The following TSHZ3 variants were observed in gnomAD, a reference collection of about 807,000 sequenced individuals.
TSHZ3 encodes the protein teashirt homolog 3.
Under a neutral mutation model 64.5 loss-of-function variants are expected in TSHZ3, and 10 were observed. The ratio of observed to expected loss-of-function variants is 0.16; its 90% confidence interval spans 0.10 to 0.26. The LOEUF (loss-of-function observed/expected upper bound fraction) is 0.26, where lower values mean the gene tolerates loss of function less well. Among genes scored for constraint, TSHZ3 ranks in the 10% least tolerant of loss-of-function variants. The probability of loss-of-function intolerance (pLI) is 1.00; values close to 1 mark genes in which losing one functional copy is unlikely to be tolerated. For synonymous variants in TSHZ3, 608 were observed against 593.1 expected, an observed-to-expected ratio of 1.03 and a Z score of -0.36; for missense variants, 1,242 against 1,421.7, an observed-to-expected ratio of 0.87 and a Z score of 2.03.
chr19:31,263,815 A>C (rs142924258), intron 1 of TSHZ3, among the ~76,000 whole-genome samples: 2 of 152,234 alleles, frequency 1.3e-5, no homozygotes, highest in Non-Finnish European at 2.9e-5. Flanking sequence ...GGTAATAACC[A>C]CATAAATAAG....
intron 6 of TSHZ3, among the ~76,000 whole-genome samples, chr19:31,156,019 C>G (rs1974302015): frequency 6.6e-6 from 1 of 152,198 alleles, no homozygotes; most frequent in African/African-American, 2.4e-5. Context: ...ACCAATCTGG[C>G]TCAACTATTG....
At chr19:31,310,073 T>C (rs138023211) in intron 1 of TSHZ3, among the ~76,000 whole-genome samples, 10 of 152,306 alleles carry the variant, frequency 6.6e-5, no homozygotes, top group Non-Finnish European at 1.3e-4. Context: ...CATGCAAGTA[T>C]GTTTTCCTTC....
intron 1 of TSHZ3, among the ~76,000 whole-genome samples, chr19:31,260,916 AG>A (rs1975976454): frequency 6.6e-6 from 1 of 152,176 alleles, no homozygotes; most frequent in Non-Finnish European, 1.5e-5. Flanking sequence ...ATTTAGCCCA[AG>A]TTTTCTCAGC....
At chr19:31,230,286 A>T (rs148150817) in intron 3 of TSHZ3, among the ~76,000 whole-genome samples, 58 of 152,340 alleles carry the variant, frequency 3.8e-4, no homozygotes, top group South Asian at 6.2e-4. Flanking sequence ...TTGCAAACCC[A>T]TCTGTACATT....
At position 31,276,936 on chromosome 19, in the gene TSHZ3, C is replaced by T. The variant is rs753099308; in HGVS notation, c.2857G>A (p.Val953Met). 39 of 1,614,068 alleles carry T rather than the reference C, an allele frequency of 2.4e-5. No individual in the cohort carries two copies. The highest frequency in any genetic ancestry group is 3.1e-5 in the Non-Finnish European group (36 of 1,180,036). Reference sequence around the variant, plus strand: ...CCTGTCCTTCGAAGCTGGTATTTCACGTTGGCCAGCCAGTGGCTGATGGTG... The same window carrying T: ...CCTGTCCTTCGAAGCTGGTATTTCATGTTGGCCAGCCAGTGGCTGATGGTG... ...MTTISHWLAN[V>M]KYQLRRTGGT... The change falls in exon 2 of 2, where the codon GTG (valine) becomes ATG (methionine). Residue 953 changes from valine (V) to methionine (M), a missense_variant. Physicochemically the swap from Val to Met is conservative, Grantham distance 21. This residue lies in a region of TSHZ3 where 11 missense variants were observed against 31.9 expected (regional missense o/e 0.34). Coordinates refer to ENST00000240587, the MANE Select transcript of TSHZ3 (RefSeq NM_020856.4).
At chr19:31,161,983 T>C (rs867944079) in intron 5 of TSHZ3, among the ~76,000 whole-genome samples, 1 of 152,332 alleles carries the variant, frequency 6.6e-6, no homozygotes, top group South Asian at 2.1e-4. Flanking sequence ...TGGGTCGTTA[T>C]CTCCTGATAT....
chr19:31,263,641 G>T (rs1332944818), intron 1 of TSHZ3, among the ~76,000 whole-genome samples: 2 of 152,122 alleles, frequency 1.3e-5, no homozygotes, highest in African/African-American at 2.4e-5. Context: ...AGGGGGGACA[G>T]TGTGCCCTGC....
chr19:31,220,755 C>T lies in TSHZ3; in HGVS notation n.686+7250G>A, dbSNP rs537249434. 9.9e-5 allele frequency among the ~76,000 whole-genome samples: 15 copies of T among 152,228 alleles called. No individual in the cohort carries two copies. In the South Asian group the frequency reaches 3.1e-3, roughly 32 times the overall value. ...TCCTTTTCCTTTCCTCTGGCTAACA[C>T]CGAGTCACATGACCACACCTCACTG... is the stretch of plus-strand genomic sequence containing the variant. On this transcript the variant is annotated intron_variant and non_coding_transcript_variant, in intron 4 of 6. Coordinates refer to the TSHZ3 transcript ENST00000651361.
At position 31,170,829 on chromosome 19, in the gene TSHZ3, G is replaced by A. The variant is rs182680996; in HGVS notation, n.810-14412C>T. On this transcript the variant is annotated intron_variant and non_coding_transcript_variant, in intron 5 of 6. Transcript: ENST00000651361. The stretch of plus-strand genomic sequence containing the variant: ...CCATTATCACCCCATTAATGGAGAC[G>A]AGGTAAGGCAATCTGAAAACATTTG... Among the ~76,000 whole-genome samples, 64 of 152,314 alleles carry A rather than the reference G, an allele frequency of 4.2e-4. 3 individuals are homozygous for A. In the East Asian group the frequency reaches 8.1e-3, roughly 19 times the overall value.
intron 5 of TSHZ3, among the ~76,000 whole-genome samples, chr19:31,197,514 GA>G (rs1975009981): frequency 6.6e-6 from 1 of 151,400 alleles, no homozygotes; most frequent in Non-Finnish European, 1.5e-5. Flanking sequence ...GAAAATTTAT[GA>G]AACCAAAAGT....
At chr19:31,250,197 C>A (rs1260154746) in intron 1 of TSHZ3, among the ~76,000 whole-genome samples, 1 of 152,250 alleles carries the variant, frequency 6.6e-6, no homozygotes, top group Non-Finnish European at 1.5e-5. Flanking sequence ...ATGAGCATGA[C>A]TTTCCTCACC....
chr19:31,226,152 A>T (rs905343241), intron 4 of TSHZ3, among the ~76,000 whole-genome samples: 2 of 151,264 alleles, frequency 1.3e-5, no homozygotes, highest in African/African-American at 4.9e-5. Flanking sequence ...CAATGTGTCC[A>T]TATGATGCTG....
In TSHZ3 at chr19:31,330,109, G is replaced by A. The variant is rs542858775; in HGVS notation, c.40+19071C>T. Among the ~76,000 whole-genome samples, 259 of 151,910 alleles carry A rather than the reference G, an allele frequency of 1.7e-3. 9 individuals carry two copies. In the South Asian group the frequency reaches 0.052, roughly 30 times the overall value. On this transcript the variant is annotated intron_variant, in intron 1 of 1. Transcript: ENST00000240587. ...TTCCTACTTTATTTCCTTTCAAAGA[G>A]GGTCAAGATCCTTTTTTTTTTTTTA...
intron 1 of TSHZ3, among the ~76,000 whole-genome samples, chr19:31,301,091 A>G (rs998341711): frequency 3.3e-5 from 5 of 152,148 alleles, no homozygotes; most frequent in African/African-American, 1.2e-4. Context: ...AAATCTTTAA[A>G]AATCGTTTTT....
At chr19:31,215,612 C>T (rs575808999) in intron 4 of TSHZ3, among the ~76,000 whole-genome samples, 173 of 152,330 alleles carry the variant, frequency 1.1e-3, no homozygotes, top group Non-Finnish European at 2.1e-3. Flanking sequence ...GTGGCTCACG[C>T]CTATAATCCC....
chr19:31,161,023 T>C (rs984895904), intron 5 of TSHZ3, among the ~76,000 whole-genome samples: 1 of 152,206 alleles, frequency 6.6e-6, no homozygotes, highest in East Asian at 1.9e-4. Context: ...AGCTCAAGAT[T>C]TCCTTACATA....
chr19:31,158,249 C>T (rs1237897911), intron 5 of TSHZ3, among the ~76,000 whole-genome samples: 1 of 152,178 alleles, frequency 6.6e-6, no homozygotes. Context: ...GTAAAACACA[C>T]ACCGGATCTC....
At chr19:31,313,467 C>A (rs1444687050) in intron 1 of TSHZ3, among the ~76,000 whole-genome samples, 2 of 152,202 alleles carry the variant, frequency 1.3e-5, no homozygotes, top group East Asian at 1.9e-4. Context: ...GAGCTACATG[C>A]CTGCCACGTG....
intron 1 of TSHZ3, among the ~76,000 whole-genome samples, chr19:31,331,807 G>A (rs1452008070): frequency 1.3e-5 from 2 of 152,156 alleles, no homozygotes; most frequent in Non-Finnish European, 2.9e-5. Context: ...TTCCACACCA[G>A]AGCACGCTGC....
Sources: gnomAD v4.1 joint callset for allele counts (sites outside exome capture counted in the v4.1 genomes callset) on GRCh38, gnomAD v4.1.1 for gene constraint, gnomAD v4.1.1 regional missense constraint, MANE v1.5 for transcripts, NCBI Gene and HGNC (gene_info 2026-07-23, HGNC 2026-07-21) for gene names.